The following ZNF804A variants were observed in gnomAD, a reference collection of about 807,000 sequenced individuals.
ZNF804A encodes zinc finger protein 804A.
A neutral mutation model predicts 16.5 loss-of-function variants in ZNF804A; 2 were observed. The observed-to-expected ratio is 0.12, with a 90% CI of 0.05 to 0.38. The LOEUF is 0.38. ZNF804A is among the 10% of genes least tolerant of loss of function. ZNF804A has a pLI of 0.99. For synonymous variants in ZNF804A, 534 were observed against 489.6 expected (o/e 1.09, Z -1.20); for missense variants, 1,473 against 1,390.7 (o/e 1.06, Z -0.94).
chr2:184,840,710 C>G (rs940592557), intron 1 of ZNF804A, among the ~76,000 whole-genome samples: 1 of 151,984 alleles, frequency 6.6e-6, no homozygotes, highest in African/African-American at 2.4e-5. Flanking sequence ...TATACACGCC[C>G]GCTAACAAAA....
At chr2:184,777,410 T>G (rs1039234000) in intron 1 of ZNF804A, among the ~76,000 whole-genome samples, 1 of 151,656 alleles carries the variant, frequency 6.6e-6, no homozygotes, top group African/African-American at 2.4e-5. Context: ...GTGACTTTTT[T>G]AAACCCTTTC....
rs771274408 is a variant in ZNF804A, at chr2:184,935,866, T to TGGATTCAGTTAATAACCAGCA, written c.471_491dup (p.Ser159_Asp165dup). The TGGATTCAGTTAATAACCAGCA allele has an allele frequency of 6.2e-7, 1 of 1,613,882 alleles. No homozygotes were observed. Among genetic ancestry groups the TGGATTCAGTTAATAACCAGCA allele is most frequent in the East Asian group, 2.2e-5 (1 of 44,842 alleles). Reference sequence around the variant, plus strand: ...AATGAAATTTCCCAACGAGTTGTTGTGGATTCAGTTAATAACCAGCAAGAT... The same window carrying TGGATTCAGTTAATAACCAGCA: ...AATGAAATTTCCCAACGAGTTGTTGTGGATTCAGTTAATAACCAGCAGGATTCAGTTAATAACCAGCAAGAT... On this transcript the variant is annotated inframe_insertion, in exon 4 of 4. Coordinates refer to ENST00000302277, the MANE Select transcript of ZNF804A (RefSeq NM_194250.2).
chr2:184,640,854 A>T (rs1691785161), intron 1 of ZNF804A, among the ~76,000 whole-genome samples: 1 of 152,196 alleles, frequency 6.6e-6, no homozygotes, highest in South Asian at 2.1e-4. Context: ...AAAAATCCAC[A>T]ATTTACATCG....
intron 1 of ZNF804A, among the ~76,000 whole-genome samples, chr2:184,783,866 T>C (rs180813823): frequency 6.6e-6 from 1 of 152,098 alleles, no homozygotes; most frequent in East Asian, 1.9e-4. Flanking sequence ...TTACAGAAAG[T>C]GGTTTGTCAA....
intron 1 of ZNF804A, among the ~76,000 whole-genome samples, chr2:184,656,167 G>C (rs1692070940): frequency 2.0e-5 from 3 of 152,056 alleles, no homozygotes; most frequent in Admixed American, 2.0e-4. Context: ...TATGGTATGT[G>C]TATCTGTGGT....
intron 1 of ZNF804A, among the ~76,000 whole-genome samples, chr2:184,799,271 T>A (rs1558965128): frequency 6.6e-6 from 1 of 152,092 alleles, no homozygotes; most frequent in African/African-American, 2.4e-5. Flanking sequence ...TAGTTCTGCC[T>A]CTCATCCGCC....
At chr2:184,686,663 A>G (rs1169578930) in intron 1 of ZNF804A, among the ~76,000 whole-genome samples, 1 of 152,208 alleles carries the variant, frequency 6.6e-6, no homozygotes, top group Non-Finnish European at 1.5e-5. Flanking sequence ...TCCCACCAAC[A>G]GTATATAAGT....
chr2:184,873,741 G>T (rs961021306), intron 2 of ZNF804A, among the ~76,000 whole-genome samples: 4 of 151,978 alleles, frequency 2.6e-5, no homozygotes, highest in African/African-American at 9.7e-5. Context: ...TTACAAAAAA[G>T]GAAACACTAA....
chr2:184,608,903 G>A (rs1432583123), intron 1 of ZNF804A, among the ~76,000 whole-genome samples: 1 of 152,208 alleles, frequency 6.6e-6, no homozygotes, highest in Non-Finnish European at 1.5e-5. Flanking sequence ...TCTGGAGAGA[G>A]ATACAGGGTA....
intron 1 of ZNF804A, among the ~76,000 whole-genome samples, chr2:184,862,378 A>T (rs1174489810): frequency 6.6e-6 from 1 of 152,186 alleles, no homozygotes; most frequent in Non-Finnish European, 1.5e-5. Context: ...TGCACATACA[A>T]TATTGAAGTC....
intron 2 of ZNF804A, among the ~76,000 whole-genome samples, chr2:184,877,635 G>A (rs1465486983): frequency 6.6e-6 from 1 of 152,028 alleles, no homozygotes; most frequent in Non-Finnish European, 1.5e-5. Context: ...TTGAATATGA[G>A]AATAACCAGA....
intron 1 of ZNF804A, among the ~76,000 whole-genome samples, chr2:184,803,368 AC>A (rs1268880992): frequency 1.3e-5 from 2 of 152,064 alleles, no homozygotes; most frequent in African/African-American, 4.8e-5. Flanking sequence ...TACTTTTGAT[AC>A]CCCTTGCCTT....
intron 1 of ZNF804A, among the ~76,000 whole-genome samples, chr2:184,740,207 C>G (rs1248656229): frequency 6.6e-6 from 1 of 152,160 alleles, no homozygotes; most frequent in Non-Finnish European, 1.5e-5. Context: ...TAAGACTCCT[C>G]AAGTCACCAT....
At chr2:184,750,624 A>G (rs1303223456) in intron 1 of ZNF804A, among the ~76,000 whole-genome samples, 7 of 151,394 alleles carry the variant, frequency 4.6e-5, no homozygotes, top group African/African-American at 1.7e-4. Context: ...TCATAAACTT[A>G]TCCAATAATC....
chr2:184,761,203 C>G (rs868016131), intron 1 of ZNF804A, among the ~76,000 whole-genome samples: 17 of 152,094 alleles, frequency 1.1e-4, no homozygotes, highest in African/African-American at 3.9e-4. Flanking sequence ...GAAATTTTGA[C>G]AAACACAAAA....
At chr2:184,636,780 A>C (rs1384541317) in intron 1 of ZNF804A, among the ~76,000 whole-genome samples, 1 of 152,134 alleles carries the variant, frequency 6.6e-6, no homozygotes, top group Admixed American at 6.5e-5. Context: ...TATAGTTTAC[A>C]TTATGGTTCA....
chr2:184,918,541 G>A (rs1217704785), intron 2 of ZNF804A, among the ~76,000 whole-genome samples: 3 of 152,164 alleles, frequency 2.0e-5, no homozygotes, highest in African/African-American at 4.8e-5. Flanking sequence ...TTTCTGGAGA[G>A]TCTTACCAAA....
chr2:184,924,596 AT>A (rs1215072815), intron 2 of ZNF804A, among the ~76,000 whole-genome samples: 1 of 149,146 alleles, frequency 6.7e-6, no homozygotes, highest in Non-Finnish European at 1.5e-5. Context: ...TCTTCTACTA[AT>A]TTTGGGTATG....
At chr2:184,717,189 T>A (rs1693228758) in intron 1 of ZNF804A, among the ~76,000 whole-genome samples, 1 of 152,184 alleles carries the variant, frequency 6.6e-6, no homozygotes, top group Non-Finnish European at 1.5e-5. Context: ...CTTCTTAAAA[T>A]TAGTTTTTGT....
Sources: allele counts gnomAD v4.1 joint callset (sites outside exome capture counted in the v4.1 genomes callset), GRCh38; gene constraint gnomAD v4.1.1; transcripts MANE v1.5; gene names NCBI Gene and HGNC (gene_info 2026-07-23, HGNC 2026-07-21).